Variants in CLASP1 observed in about 807,000 individuals in gnomAD.
The protein encoded by CLASP1 is cytoplasmic linker associated protein 1, also known as CLIP-associating protein 1.
Under a neutral mutation model 192.3 loss-of-function variants are expected in CLASP1, and 38 were observed. The ratio of observed to expected loss-of-function variants is 0.20; its 90% CI spans 0.15 to 0.26. The LOEUF (loss-of-function observed/expected upper bound fraction) is 0.26. CLASP1 is among the 10% of genes least tolerant of loss of function. The pLI, the probability that CLASP1 is intolerant of heterozygous loss-of-function variation, is 1.00. For missense variants in CLASP1, 1,433 were observed against 1,932.5 expected (o/e 0.74, Z 4.85); for synonymous variants, 691 against 712.8 (o/e 0.97, Z 0.49).
intron 20 of CLASP1, among the ~76,000 whole-genome samples, chr2:121,429,308 T>C (rs778767633): frequency 4.6e-5 from 7 of 152,178 alleles, no homozygotes; most frequent in Non-Finnish European, 1.0e-4. Flanking sequence ...TGGGACCGCA[T>C]GCAGCTCCTG....
intron 26 of CLASP1, chr2:121,403,480 G>A (rs1161422091): frequency 2.2e-6 from 1 of 456,580 alleles, no homozygotes; most frequent in Non-Finnish European, 4.4e-6. Flanking sequence ...GCCATCACAG[G>A]TTTCTTTCTT....
At chr2:121,449,415 T>A (rs2084980750) in intron 16 of CLASP1, among the ~76,000 whole-genome samples, 1 of 152,150 alleles carries the variant, frequency 6.6e-6, no homozygotes, top group Admixed American at 6.5e-5. Context: ...AAGGTGGAGC[T>A]AAACATCTAA....
At chr2:121,580,805 A>G (rs2061044998) in intron 2 of CLASP1, among the ~76,000 whole-genome samples, 1 of 152,200 alleles carries the variant, frequency 6.6e-6, no homozygotes, top group African/African-American at 2.4e-5. Context: ...CACAGAGGCC[A>G]TATAATTTGG....
intron 1 of CLASP1, among the ~76,000 whole-genome samples, chr2:121,642,540 T>C (rs983151410): frequency 1.3e-5 from 2 of 151,928 alleles, no homozygotes; most frequent in African/African-American, 4.8e-5. Flanking sequence ...GAGACCAGCC[T>C]GGCCAACATG....
chr2:121,648,884 G>C (rs1011530128), intron 1 of CLASP1, among the ~76,000 whole-genome samples: 1 of 152,212 alleles, frequency 6.6e-6, no homozygotes, highest in Non-Finnish European at 1.5e-5. Flanking sequence ...AGCCCAGGAC[G>C]GGAGCCCGGG....
At chr2:121,526,124 C>A (rs1187119679) in intron 5 of CLASP1, among the ~76,000 whole-genome samples, 1 of 152,234 alleles carries the variant, frequency 6.6e-6, no homozygotes, top group African/African-American at 2.4e-5. Flanking sequence ...AGGGTGGCTT[C>A]TCCCAGATAA....
chr2:121,367,725 G>A (rs1468701671), exon 35 of CLASP1: 1 of 1,613,998 alleles, frequency 6.2e-7, no homozygotes, highest in Non-Finnish European at 8.5e-7. Context: ...CGGAGGCTGG[G>A]TGTTGAGTAG....
chr2:121,623,403 T>C (rs1227713587), intron 1 of CLASP1, among the ~76,000 whole-genome samples: 1 of 152,248 alleles, frequency 6.6e-6, no homozygotes, highest in Non-Finnish European at 1.5e-5. Context: ...CAGTACAGAA[T>C]TCTTCCGATA....
intron 19 of CLASP1, among the ~76,000 whole-genome samples, chr2:121,432,464 A>G (rs2081598345): frequency 6.6e-6 from 1 of 152,214 alleles, no homozygotes; most frequent in South Asian, 2.1e-4. Context: ...TGGCAGGACA[A>G]GTAAATTCGC....
chr2:121,387,204 G>A (rs776246147), exon 32 of CLASP1: 25 of 1,606,048 alleles, frequency 1.6e-5, no homozygotes, highest in Admixed American at 1.0e-4. Flanking sequence ...GAGGGCGTCC[G>A]GCCAATCGTA....
chr2:121,590,626 T>C (rs918817524), intron 2 of CLASP1, among the ~76,000 whole-genome samples: 1 of 152,280 alleles, frequency 6.6e-6, no homozygotes, highest in African/African-American at 2.4e-5. Context: ...TTACAACTTT[T>C]AAAAAATATG....
chr2:121,479,047 ACCCC>A (rs1325501819), intron 8 of CLASP1, among the ~76,000 whole-genome samples: 5 of 42,302 alleles, frequency 1.2e-4, no homozygotes, highest in Non-Finnish European at 2.3e-4. Flanking sequence ...ACACACACAC[ACCCC>A]CCCCCCACAC....
At chr2:121,544,736 G>A (rs2095297247) in intron 2 of CLASP1, among the ~76,000 whole-genome samples, 1 of 143,590 alleles carries the variant, frequency 7.0e-6, no homozygotes, top group South Asian at 2.1e-4. Context: ...AAAAAGAACT[G>A]GGTCAGTAAA....
chr2:121,528,720 T>C, exon 4 of CLASP1: 1 of 1,614,038 alleles, frequency 6.2e-7, no homozygotes, highest in Non-Finnish European at 8.5e-7. Flanking sequence ...CAGCAGAGTT[T>C]GGTCCTGCTC....
chr2:121,576,093 C>T (rs1174215400), intron 2 of CLASP1, among the ~76,000 whole-genome samples: 3 of 152,060 alleles, frequency 2.0e-5, no homozygotes. Flanking sequence ...TGTGGAATAC[C>T]ATGAACAGGA....
At chr2:121,354,024 C>T (rs1006819564) in intron 37 of CLASP1, among the ~76,000 whole-genome samples, 1 of 152,164 alleles carries the variant, frequency 6.6e-6, no homozygotes, top group Non-Finnish European at 1.5e-5. Context: ...AATGATCTGC[C>T]CACCTCAGCC....
At chr2:121,575,712 C>G (rs182216687) in intron 2 of CLASP1, among the ~76,000 whole-genome samples, 1 of 152,162 alleles carries the variant, frequency 6.6e-6, no homozygotes, top group African/African-American at 2.4e-5. Flanking sequence ...AACATGAAAA[C>G]GAAAAGTAAT....
chr2:121,571,488 T>C lies in CLASP1; in HGVS notation c.195+34213A>G, dbSNP rs138139184. 2.0e-3 allele frequency among the ~76,000 whole-genome samples: 312 copies of C among 152,208 alleles called. 1 individual carries two copies. The highest frequency in any genetic ancestry group is 6.0e-3 in the African/African-American group (249 of 41,520). ...ACGGGTTCAGACACACAAAGAAAAATCAAACTATGGCCCTCTTCTGCAAAA... is the reference window on the plus strand; with the variant it reads ...ACGGGTTCAGACACACAAAGAAAAACCAAACTATGGCCCTCTTCTGCAAAA... On this transcript the variant is annotated intron_variant, in intron 2 of 39. Transcript: ENST00000263710.
At chr2:121,605,433 A>G (rs1386998964) in intron 2 of CLASP1, among the ~76,000 whole-genome samples, 2 of 152,244 alleles carry the variant, frequency 1.3e-5, no homozygotes, top group Admixed American at 6.5e-5. Context: ...ATGCTTGTCA[A>G]CTTTCCAACA....
Sources: allele counts gnomAD v4.1 joint callset (sites outside exome capture counted in the v4.1 genomes callset), GRCh38; gene constraint gnomAD v4.1.1; transcripts MANE v1.5; gene names NCBI Gene and HGNC (gene_info 2026-07-23, HGNC 2026-07-21).